The following CACNA1E variants were observed in gnomAD, a reference collection of about 807,000 sequenced individuals.
The protein encoded by CACNA1E is calcium voltage-gated channel subunit alpha1 E.
In CACNA1E, 40 loss-of-function variants were observed where a neutral mutation model predicts 259.2. That is an observed-to-expected ratio of 0.15 (90% CI 0.12 to 0.20). CACNA1E has a LOEUF of 0.20. Among genes scored for constraint, CACNA1E ranks in the 10% least tolerant of loss-of-function variants. The pLI, the probability that CACNA1E is intolerant of heterozygous loss-of-function variation, is 1.00. For synonymous variants in CACNA1E, 1,104 were observed against 1,138.5 expected, an observed-to-expected ratio of 0.97 and a Z score of 0.61; for missense variants, 1,874 against 3,040.1, an observed-to-expected ratio of 0.62 and a Z score of 9.02.
chr1:181,642,590 A>C (rs1283389863), intron 6 of CACNA1E, among the ~76,000 whole-genome samples: 4 of 152,178 alleles, frequency 2.6e-5, no homozygotes, highest in African/African-American at 9.6e-5. Context: ...GGTGCTTGCC[A>C]CTCTTTAAAG....
intron 25 of CACNA1E, among the ~76,000 whole-genome samples, chr1:181,746,794 C>T (rs1332420555): frequency 2.0e-5 from 3 of 152,036 alleles, no homozygotes; most frequent in African/African-American, 7.2e-5. Context: ...TAAAACGCTC[C>T]AGTGGTTCCC....
In CACNA1E at chr1:181,732,543, G is replaced by C; in HGVS notation, c.2457G>C (p.Pro819=). The C allele has an allele frequency of 1.3e-6, 2 of 1,549,916 alleles. No individual in the cohort carries two copies. The highest frequency in any genetic ancestry group is 1.7e-6 in the Non-Finnish European group (2 of 1,146,142). Residue 819 remains proline, a synonymous_variant, in exon 20 of 48, where the codon CCG becomes CCC. Coordinates refer to ENST00000367573, the MANE Select transcript of CACNA1E (RefSeq NM_001205293.3). The surrounding 1 kb of genome is among the most constrained non-coding windows in gnomAD (Gnocchi z 5.5). ...TCAACCCGCTCAGCTCCCTCAACCC[G>C]CTCAATGCCCACCCCAGCCTTTATC... ...NPLNPLSSLN[P]LNAHPSLYRR... is the part of the protein sequence containing the mutation.
intron 7 of CACNA1E, among the ~76,000 whole-genome samples, chr1:181,656,209 G>T (rs941394121): frequency 6.6e-6 from 1 of 152,032 alleles, no homozygotes; most frequent in Non-Finnish European, 1.5e-5. Context: ...TCTGAGGCAG[G>T]TTCCTCAGGA....
At chr1:181,403,784 T>C (rs1055864787) in intron 1 of CACNA1E, among the ~76,000 whole-genome samples, 7 of 152,170 alleles carry the variant, frequency 4.6e-5, no homozygotes, top group African/African-American at 1.7e-4. Context: ...CTGTATTGGC[T>C]CATATTGCTG....
intron 7 of CACNA1E, among the ~76,000 whole-genome samples, chr1:181,666,272 T>A (rs547203926): frequency 1.3e-5 from 2 of 152,284 alleles, no homozygotes; most frequent in South Asian, 4.1e-4. Context: ...ATCACTTATG[T>A]ATTCACTTAA....
intron 3 of CACNA1E, among the ~76,000 whole-genome samples, chr1:181,547,745 G>A (rs1013855474): frequency 2.6e-5 from 4 of 152,290 alleles, no homozygotes; most frequent in Admixed American, 6.5e-5. Flanking sequence ...TTGCATTTGC[G>A]ATGCAATTAG....
intron 1 of CACNA1E, among the ~76,000 whole-genome samples, chr1:181,393,992 A>C (rs1221044415): frequency 6.6e-6 from 1 of 152,186 alleles, no homozygotes; most frequent in Non-Finnish European, 1.5e-5. Context: ...GGATAGGAAG[A>C]AAAGTAGGGA....
chr1:181,330,796 A>G (rs916660615), intron 1 of CACNA1E, among the ~76,000 whole-genome samples: 1 of 152,226 alleles, frequency 6.6e-6, no homozygotes, highest in Non-Finnish European at 1.5e-5. Flanking sequence ...AAGTGGCTCC[A>G]TACAGTGACT....
intron 5 of CACNA1E, among the ~76,000 whole-genome samples, chr1:181,580,085 AG>A (rs1039096136): frequency 8.5e-5 from 13 of 152,356 alleles, no homozygotes; most frequent in African/African-American, 3.1e-4. Context: ...GAACCTTAAA[AG>A]AACACTTTCC....
At position 181,758,787 on chromosome 1, in the gene CACNA1E, G is replaced by A. The variant is rs966711307; in HGVS notation, c.4524G>A (p.Leu1508=). 1.2e-6 allele frequency: 2 copies of A among 1,608,576 alleles called. No homozygotes were observed. The highest frequency in any genetic ancestry group is 1.7e-5 in the Admixed American group (1 of 59,970). Reference sequence around the variant, plus strand: ...ATTCTGCTCCCTGTACCTATGAGCTGGCCCTGAAGTACCTGAATATCGCCT... The same window carrying A: ...ATTCTGCTCCCTGTACCTATGAGCTAGCCCTGAAGTACCTGAATATCGCCT... ...KYYSAPCTYE[L]ALKYLNIAFT... The change falls in exon 32 of 48, where the codon CTG becomes CTA. Residue 1508 remains leucine (L), a synonymous_variant. Transcript: ENST00000367573. This position sits in a 1 kb window ranked among gnomAD's most constrained non-coding sequence, Gnocchi z 4.2.
At chr1:181,575,879 C>T (rs1417857717) in intron 3 of CACNA1E, among the ~76,000 whole-genome samples, 1 of 152,176 alleles carries the variant, frequency 6.6e-6, no homozygotes, top group Non-Finnish European at 1.5e-5. Flanking sequence ...CCACACCTAT[C>T]CTTGAAGTTT....
chr1:181,335,572 A>G (rs750100749), intron 1 of CACNA1E, among the ~76,000 whole-genome samples: 1 of 152,192 alleles, frequency 6.6e-6, no homozygotes, highest in Non-Finnish European at 1.5e-5. Context: ...TCAGCTGTGC[A>G]TGCTGCTGTA....
At chr1:181,613,619 T>C (rs185685005) in intron 6 of CACNA1E, among the ~76,000 whole-genome samples, 266 of 152,278 alleles carry the variant, frequency 1.7e-3, no homozygotes, top group Admixed American at 4.0e-3. Context: ...TCTTTTCCCT[T>C]CAAGGCTTGG....
intron 6 of CACNA1E, among the ~76,000 whole-genome samples, chr1:181,599,490 G>A (rs1572339906): frequency 6.6e-6 from 1 of 152,188 alleles, no homozygotes; most frequent in East Asian, 1.9e-4. Context: ...AATATAAATT[G>A]AGTGCTTTTG....
chr1:181,778,494 T>C (rs181525687), intron 38 of CACNA1E, among the ~76,000 whole-genome samples: 1 of 152,246 alleles, frequency 6.6e-6, no homozygotes, highest in African/African-American at 2.4e-5. Context: ...GAGGTGGAGA[T>C]GTTGTGCTTA....
upstream of CACNA1E, among the ~76,000 whole-genome samples, chr1:181,480,308 A>G (rs1401757232): frequency 6.6e-6 from 1 of 152,130 alleles, no homozygotes; most frequent in Non-Finnish European, 1.5e-5. Flanking sequence ...TCACAAAGCC[A>G]TTTATGCCAT....
Position 181,323,220 on chromosome 1 carries a change from G to T in CACNA1E, c.-15+5097G>T, listed in dbSNP as rs567847314. Among the ~76,000 whole-genome samples, 6 of 152,302 alleles carry T rather than the reference G, an allele frequency of 3.9e-5. No homozygotes were observed. The South Asian group carries it at 1.2e-3, about 32-fold the overall frequency. ...TACATGTGCTTTTTCCAGAAGGAAT[G>T]AGAAAATAAAGATGCATGGTTCTTT... On this transcript the variant is annotated intron_variant, in intron 1 of 11. Coordinates refer to the CACNA1E transcript ENST00000524607.
chr1:181,333,271 C>G (rs1359902144), intron 1 of CACNA1E, among the ~76,000 whole-genome samples: 2 of 152,314 alleles, frequency 1.3e-5, no homozygotes, highest in South Asian at 2.1e-4. Flanking sequence ...TCAGCCTTTA[C>G]TCACTTTATT....
chr1:181,575,223 G>A (rs1650851950), intron 3 of CACNA1E, among the ~76,000 whole-genome samples: 1 of 152,188 alleles, frequency 6.6e-6, no homozygotes, highest in African/African-American at 2.4e-5. Context: ...GCCCAGGACA[G>A]CACAAGGCCA....
Sources: gnomAD v4.1 joint callset for allele counts (sites outside exome capture counted in the v4.1 genomes callset) on GRCh38, gnomAD v4.1.1 for gene constraint, Gnocchi (gnomAD v3.1) non-coding constraint, MANE v1.5 for transcripts, NCBI Gene and HGNC (gene_info 2026-07-23, HGNC 2026-07-21) for gene names.